The following ARHGEF3 variants were observed in gnomAD, a reference collection of about 807,000 sequenced individuals.
ARHGEF3 encodes Rho guanine nucleotide exchange factor 3, also known as 59.8 kDA protein.
ARHGEF3 carries 28 observed loss-of-function variants against 63.2 expected under a neutral mutation model. The ratio of observed to expected loss-of-function variants is 0.44; its 90% CI spans 0.33 to 0.61. The LOEUF is 0.61. Ranked by LOEUF, ARHGEF3 falls within the 20% of genes least tolerant of loss-of-function variation. ARHGEF3 has a pLI of 0.03. For missense variants in ARHGEF3, 533 were observed against 659.3 expected, an observed-to-expected ratio of 0.81 and a Z score of 2.10; for synonymous variants, 266 against 254.2, an observed-to-expected ratio of 1.05 and a Z score of -0.44.
intron 1 of ARHGEF3, among the ~76,000 whole-genome samples, chr3:56,791,299 G>A (rs1478532420): frequency 6.6e-6 from 1 of 152,038 alleles, no homozygotes; most frequent in African/African-American, 2.4e-5. Context: ...TGTAGTCCTA[G>A]CTGTAGTCCT....
intron 3 of ARHGEF3, among the ~76,000 whole-genome samples, chr3:56,953,738 A>G (rs1432681785): frequency 1.3e-5 from 2 of 152,326 alleles, no homozygotes; most frequent in African/African-American, 4.8e-5. Context: ...TCCTGGAAGC[A>G]AATCTCTCTT....
At chr3:56,800,303 G>T (rs553857804) in intron 1 of ARHGEF3, among the ~76,000 whole-genome samples, 1 of 152,288 alleles carries the variant, frequency 6.6e-6, no homozygotes, top group Non-Finnish European at 1.5e-5. Context: ...CTCCTATGTT[G>T]ATTAAATTAG....
chr3:57,048,238 C>G (rs1704539609), intron 1 of ARHGEF3, among the ~76,000 whole-genome samples: 1 of 152,194 alleles, frequency 6.6e-6, no homozygotes, highest in Non-Finnish European at 1.5e-5. Flanking sequence ...CACACACCCA[C>G]AGTGCACATG....
intron 2 of ARHGEF3, among the ~76,000 whole-genome samples, chr3:57,000,310 C>CACACA (rs1560120499): frequency 0.015 from 2,093 of 139,232 alleles, 35 homozygotes; most frequent in East Asian, 0.042. Flanking sequence ...AGGGTAACTC[C>CACACA]CACACACACA....
chr3:56,778,341 C>G (rs1015260135), intron 1 of ARHGEF3, among the ~76,000 whole-genome samples: 2 of 152,178 alleles, frequency 1.3e-5, no homozygotes, highest in Non-Finnish European at 2.9e-5. Flanking sequence ...GATGTAAACC[C>G]AGTCAGGCTG....
chr3:56,968,168 TAA>T (rs1491150553), intron 2 of ARHGEF3, among the ~76,000 whole-genome samples: 2 of 25,998 alleles, frequency 7.7e-5, no homozygotes, highest in African/African-American at 1.1e-4. Context: ...ATATATTATA[TAA>T]TATATATAAA....
At chr3:56,731,219 A>T (rs75056025) in intron 9 of ARHGEF3, among the ~76,000 whole-genome samples, 26,420 of 152,072 alleles carry the variant, frequency 0.17, 2,462 homozygotes, top group South Asian at 0.39. Context: ...ACTTTCTCAG[A>T]GAAGTGTTCC....
At position 57,076,467 on chromosome 3, in the gene ARHGEF3, C is replaced by T. The variant is rs144061901; in HGVS notation, c.-28+2759G>A. On this transcript the variant is annotated intron_variant, in intron 1 of 12. Transcript: ENST00000338458. ...TGATAGCATGCAGGAGGCCACATCTCGTCCTCAACAGTGTGGTACAGGGAC... is the reference window on the plus strand; with the variant it reads ...TGATAGCATGCAGGAGGCCACATCTTGTCCTCAACAGTGTGGTACAGGGAC... Among the ~76,000 whole-genome samples, 17 of 152,284 alleles carry T rather than the reference C, an allele frequency of 1.1e-4. No individual in the cohort carries two copies. The East Asian group carries it at 1.9e-3, about 17-fold the overall frequency.
intron 3 of ARHGEF3, among the ~76,000 whole-genome samples, chr3:56,946,595 C>T (rs56177230): frequency 0.12 from 17,587 of 152,104 alleles, 1,278 homozygotes; most frequent in East Asian, 0.25. Context: ...TAAAAAGAAA[C>T]GAACAAAGCC....
intron 2 of ARHGEF3, chr3:57,007,126 C>T: frequency 1.6e-6 from 2 of 1,213,204 alleles, no homozygotes; most frequent in South Asian, 1.5e-5. Context: ...TACTTGTGCA[C>T]TTTTGTTTTT....
intron 3 of ARHGEF3, among the ~76,000 whole-genome samples, chr3:56,891,668 T>TA (rs2108283318): frequency 1.3e-5 from 2 of 152,204 alleles, no homozygotes; most frequent in South Asian, 4.2e-4. Context: ...TCCTCACCTA[T>TA]AAAATGGGGA....
At chr3:56,973,737 A>G (rs2106863676) in intron 2 of ARHGEF3, among the ~76,000 whole-genome samples, 1 of 152,252 alleles carries the variant, frequency 6.6e-6, no homozygotes, top group African/African-American at 2.4e-5. Flanking sequence ...ACCCCTGGTG[A>G]CTTGACAAGA....
At chr3:56,894,166 A>G (rs2108290294) in intron 3 of ARHGEF3, among the ~76,000 whole-genome samples, 1 of 152,310 alleles carries the variant, frequency 6.6e-6, no homozygotes, top group South Asian at 2.1e-4. Flanking sequence ...TAAATAATCC[A>G]GCTTCTGACA....
intron 4 of ARHGEF3, among the ~76,000 whole-genome samples, chr3:56,812,888 G>A (rs550929319): frequency 6.6e-6 from 1 of 152,324 alleles, no homozygotes; most frequent in East Asian, 1.9e-4. Context: ...AGCTCATTCT[G>A]GTTTAGAGAC....
intron 2 of ARHGEF3, among the ~76,000 whole-genome samples, chr3:56,993,803 C>T (rs564276323): frequency 1.9e-4 from 29 of 151,200 alleles, no homozygotes; most frequent in African/African-American, 6.8e-4. Flanking sequence ...CGCGGTGGCT[C>T]ACGCCTGTAA....
At chr3:57,078,115 C>G (rs567605850) in intron 1 of ARHGEF3, among the ~76,000 whole-genome samples, 5 of 152,328 alleles carry the variant, frequency 3.3e-5, no homozygotes, top group Non-Finnish European at 4.4e-5. Flanking sequence ...CTATACAACT[C>G]TTTAAGGTTT....
upstream of ARHGEF3, among the ~76,000 whole-genome samples, chr3:56,803,788 G>A (rs2037765446): frequency 6.6e-6 from 1 of 152,126 alleles, no homozygotes; most frequent in Non-Finnish European, 1.5e-5. Context: ...GTGACAGAGT[G>A]AGACCCTGTC....
chr3:56,893,907 C>T (rs188797875), intron 3 of ARHGEF3, among the ~76,000 whole-genome samples: 25 of 144,518 alleles, frequency 1.7e-4, no homozygotes, highest in Admixed American at 1.6e-3. Flanking sequence ...TACAGCTGTA[C>T]AAAGAAGTTA....
chr3:56,915,543 A>G (rs1390275059), intron 3 of ARHGEF3, among the ~76,000 whole-genome samples: 1 of 152,202 alleles, frequency 6.6e-6, no homozygotes, highest in Admixed American at 6.5e-5. Flanking sequence ...TACAAAAAAC[A>G]AATAAATAAA....
Sources: gnomAD v4.1 joint callset for allele counts (sites outside exome capture counted in the v4.1 genomes callset) on GRCh38, gnomAD v4.1.1 for gene constraint, MANE v1.5 for transcripts, NCBI Gene and HGNC (gene_info 2026-07-23, HGNC 2026-07-21) for gene names.